Variants in CLEC4F observed in about 807,000 individuals in gnomAD.
The protein encoded by CLEC4F is C-type lectin domain family 4 member F.
CLEC4F carries 45 observed loss-of-function variants against 53.4 expected under a neutral mutation model. The ratio of observed to expected loss-of-function variants is 0.84; its 90% CI spans 0.66 to 1.08. The LOEUF (loss-of-function observed/expected upper bound fraction) is 1.08, where lower values mean the gene tolerates loss of function less well. Among genes scored for constraint, CLEC4F ranks in the 50% least tolerant of loss-of-function variants. CLEC4F has a pLI of 0.00. For synonymous variants in CLEC4F, 245 were observed against 257.5 expected, an observed-to-expected ratio of 0.95 and a Z score of 0.46; for missense variants, 753 against 698.2, an observed-to-expected ratio of 1.08 and a Z score of -0.88.
In CLEC4F at chr2:70,816,332, C is replaced by T. The variant is rs781968431; in HGVS notation, c.1049G>A (p.Gly350Asp). Residue 350 changes from glycine (G) to aspartate (D), a missense_variant, in exon 4 of 7, where the codon GGC (glycine) becomes GAC (aspartate). Coordinates refer to ENST00000272367, the MANE Select transcript of CLEC4F (RefSeq NM_173535.3). Reference sequence around the variant, plus strand: ...CTGAGTATCTGTCTGGTCCAGACGGCCATTTGCTTTTTGGGTCTGGGCTGT... The same window carrying T: ...CTGAGTATCTGTCTGGTCCAGACGGTCATTTGCTTTTTGGGTCTGGGCTGT... ...MVTAQTQKANGRLDQTDTQIQ... is the reference protein window; with the variant it reads ...MVTAQTQKANDRLDQTDTQIQ... 6.2e-6 allele frequency: 10 copies of T among 1,614,050 alleles called. No homozygotes were observed. Among genetic ancestry groups the T allele is most frequent in the African/African-American group, 1.3e-5 (1 of 74,934 alleles).
In CLEC4F at chr2:70,819,877, C is replaced by T. The variant is rs200287098; in HGVS notation, c.76G>A (p.Ala26Thr). The T allele has an allele frequency of 9.5e-5, 151 of 1,594,056 alleles. No individual in the cohort carries two copies. Among genetic ancestry groups the T allele is most frequent in the Non-Finnish European group, 1.2e-4 (146 of 1,171,092 alleles). The part of the protein sequence containing the change: ...SLHPQEVDSV[A>T]MAPAAPKIPR... ...ATCTTGGGGGCTGCAGGAGCCATTG[C>T]CACAGAGTCCACCTCTGCAGGGGAG... Residue 26 changes from alanine (A) to threonine (T), a missense_variant, in exon 2 of 7, where the codon GCA (alanine) becomes ACA (threonine). Physicochemically the swap from Ala to Thr is moderately conservative, Grantham distance 58. Coordinates refer to ENST00000272367, the MANE Select transcript of CLEC4F (RefSeq NM_173535.3).
At chr2:70,818,493 C>T (rs113743219) in intron 3 of CLEC4F, among the ~76,000 whole-genome samples, 27,490 of 151,932 alleles carry the variant, frequency 0.18, 3,228 homozygotes, top group Middle Eastern at 0.31. Flanking sequence ...GGGCAGATCA[C>T]GAGGTCAGGG....
chr2:70,816,887 T>G lies in CLEC4F; in HGVS notation c.494A>C (p.Gln165Pro), dbSNP rs782350868. 1.9e-6 allele frequency: 3 copies of G among 1,614,230 alleles called. No homozygotes were observed. The South Asian group carries it at 3.3e-5, about 18-fold the overall frequency. The change falls in exon 4 of 7, where the codon CAG becomes CCG. Residue 165 changes from glutamine (Q) to proline (P), a missense_variant. By Grantham distance (76) the Gln-to-Pro change is moderately conservative. Transcript: ENST00000272367. ...CAGGGAACTCCTTAACATCTGTGTC[T>G]GCAAACTCAATGTAGTGGCATCCTT... ...VLKDATTLSL[Q>P]TQMLRSSLEG...
chr2:70,818,508 G>A (rs1243393134), intron 3 of CLEC4F, among the ~76,000 whole-genome samples: 2 of 152,006 alleles, frequency 1.3e-5, no homozygotes, highest in African/African-American at 4.8e-5. Flanking sequence ...TCAGGGGATC[G>A]AGACCATCCT....
intron 4 of CLEC4F, among the ~76,000 whole-genome samples, chr2:70,815,223 C>T (rs1216653067): frequency 2.0e-5 from 3 of 152,184 alleles, no homozygotes; most frequent in African/African-American, 7.2e-5. Context: ...TCCATGCCTG[C>T]AAACCCTATT....
upstream of CLEC4F, chr2:70,820,685 C>T: frequency 3.0e-6 from 2 of 659,348 alleles, no homozygotes; most frequent in Non-Finnish European, 5.0e-6. Context: ...CTGCAGAAAC[C>T]CGCCCCAGTG....
rs1553396419 is a variant in CLEC4F, at chr2:70,816,932, T to G, written c.449A>C (p.Gln150Pro). Residue 150 changes from glutamine to proline, a missense_variant, in exon 4 of 7, where the codon CAG becomes CCG. Physicochemically the swap from Gln to Pro is moderately conservative, Grantham distance 76 (BLOSUM62 -1). Transcript: ENST00000272367. ...DHLGNTNADIQMVKGVLKDAT... is the reference protein window; with the variant it reads ...DHLGNTNADIPMVKGVLKDAT... ...ATCCTTTAGAACTCCTTTTACCATC[T>G]GGATGTCAGCATTGGTGTTTCCCAG... 2 of 1,614,232 alleles carry G rather than the reference T, an allele frequency of 1.2e-6. No individual in the cohort carries two copies. The highest frequency in any genetic ancestry group is 1.7e-6 in the Non-Finnish European group (2 of 1,180,046).
chr2:70,823,681 T>A (rs1315166000), upstream of CLEC4F, among the ~76,000 whole-genome samples: 1 of 152,108 alleles, frequency 6.6e-6, no homozygotes, highest in Non-Finnish European at 1.5e-5. Context: ...GGGGTTGCTA[T>A]GTCTTCACTG....
chr2:70,809,062 T>C lies in CLEC4F; in HGVS notation c.*209A>G. 1.9e-6 allele frequency: 3 copies of C among 1,541,308 alleles called. No homozygotes were observed. The highest frequency in any genetic ancestry group is 4.9e-5 in the East Asian group (2 of 40,912). ...ATTCTTGTGCCGCCAGTTGTCAGAC[T>C]GATTCTTTTCCCAAAACCCGAAGAC... is the stretch of plus-strand genomic sequence containing the variant. On this transcript the variant is annotated 3_prime_UTR_variant, in exon 7 of 7. Transcript: ENST00000272367.
intron 1 of CLEC4F, among the ~76,000 whole-genome samples, 168 bp downstream of exon 1, chr2:70,820,295 A>G (rs1483129120): frequency 6.6e-6 from 1 of 152,206 alleles, no homozygotes; most frequent in Non-Finnish European, 1.5e-5. Flanking sequence ...CCAAGCCAGG[A>G]CCATCTGAAT....
chr2:70,816,903 T>C lies in CLEC4F; in HGVS notation c.478A>G (p.Thr160Ala). 1 of 1,614,206 alleles carries C rather than the reference T, an allele frequency of 6.2e-7. No homozygotes were observed. Among genetic ancestry groups the C allele is most frequent in the Non-Finnish European group, 8.5e-7 (1 of 1,180,018 alleles). The change falls in exon 4 of 7, where the codon ACT becomes GCT. Residue 160 changes from threonine (T) to alanine (A), a missense_variant. Thr to Ala is a moderately conservative substitution (Grantham distance 58). Coordinates refer to ENST00000272367, the MANE Select transcript of CLEC4F (RefSeq NM_173535.3). ...QMVKGVLKDA[T>A]TLSLQTQMLR... ...ATCTGTGTCTGCAAACTCAATGTAG[T>C]GGCATCCTTTAGAACTCCTTTTACC...
At chr2:70,823,729 G>A (rs1418905497), upstream of CLEC4F, among the ~76,000 whole-genome samples, 1 of 152,062 alleles carries the variant, frequency 6.6e-6, no homozygotes, top group African/African-American at 2.4e-5. Flanking sequence ...AAAACAAATG[G>A]GCATTAATAC....
Position 70,816,922 on chromosome 2 carries a change from T to C in CLEC4F, c.459A>G (p.Lys153=), listed in dbSNP as rs1553396403. The change falls in exon 4 of 7, where the codon AAA becomes AAG. Residue 153 remains lysine, a synonymous_variant. Transcript: ENST00000272367. ...GNTNADIQMV[K]GVLKDATTLS... is the part of the protein sequence containing the mutation. ...ATGTAGTGGCATCCTTTAGAACTCC[T>C]TTTACCATCTGGATGTCAGCATTGG... The C allele has an allele frequency of 6.2e-7, 1 of 1,614,052 alleles. No individual in the cohort carries two copies. The highest frequency in any genetic ancestry group is 8.5e-7 in the Non-Finnish European group (1 of 1,180,028).
At chr2:70,819,330 C>A in intron 3 of CLEC4F, 25 bp downstream of exon 3, 1 of 1,595,506 alleles carries the variant, frequency 6.3e-7, no homozygotes, top group Non-Finnish European at 8.6e-7. Flanking sequence ...TCCCTCTGCA[C>A]CCCACCCCCA....
chr2:70,823,100 T>A (rs10204090), upstream of CLEC4F, among the ~76,000 whole-genome samples: 3 of 151,314 alleles, frequency 2.0e-5, no homozygotes, highest in African/African-American at 4.9e-5. Context: ...ACCCAGTTCA[T>A]GATGGTGGGG....
intron 4 of CLEC4F, among the ~76,000 whole-genome samples, chr2:70,814,880 G>A (rs1553395398): frequency 6.6e-6 from 1 of 151,556 alleles, no homozygotes; most frequent in Non-Finnish European, 1.5e-5. Flanking sequence ...GGGTCCCCAG[G>A]CATCAGTATT....
At position 70,814,727 on chromosome 2, in the gene CLEC4F, A is replaced by T. The variant is rs560319261; in HGVS notation, c.1387+1267T>A. ...ATCGTACAGCCCCAAAGCCTAAGAT[A>T]TCTAGTTCTTTGTCCTTTAAGAAAA... On this transcript the variant is annotated intron_variant, in intron 4 of 6. Coordinates refer to ENST00000272367, the MANE Select transcript of CLEC4F (RefSeq NM_173535.3). 8.5e-5 allele frequency among the ~76,000 whole-genome samples: 13 copies of T among 152,118 alleles called. No homozygotes were observed. The South Asian group carries it at 2.1e-3, about 24-fold the overall frequency.
upstream of CLEC4F, among the ~76,000 whole-genome samples, chr2:70,820,809 A>G (rs1677195131): frequency 1.3e-5 from 2 of 152,212 alleles, no homozygotes; most frequent in South Asian, 4.1e-4. Context: ...CGCATCCAGC[A>G]TAACCCCAAA....
chr2:70,814,864 G>C (rs1456076764), intron 4 of CLEC4F, among the ~76,000 whole-genome samples: 1 of 148,736 alleles, frequency 6.7e-6, no homozygotes, highest in Non-Finnish European at 1.5e-5. Flanking sequence ...TCACAGTTCT[G>C]GAGGTGGGTC....
Sources: gnomAD v4.1 joint callset for allele counts (sites outside exome capture counted in the v4.1 genomes callset) on GRCh38, gnomAD v4.1.1 for gene constraint, MANE v1.5 for transcripts, NCBI Gene and HGNC (gene_info 2026-07-23, HGNC 2026-07-21) for gene names.